The following JPH4 variants were observed in gnomAD, a reference collection of about 807,000 sequenced individuals.
The protein encoded by JPH4 is junctophilin 4.
Under a neutral mutation model 57.6 loss-of-function variants are expected in JPH4, and 18 were observed. The ratio of observed to expected loss-of-function variants is 0.31; its 90% confidence interval spans 0.22 to 0.46. JPH4 has a LOEUF of 0.46. Ranked by LOEUF, JPH4 falls within the 20% of genes least tolerant of loss-of-function variation. The probability of loss-of-function intolerance (pLI) is 1.00; values close to 1 mark genes in which losing one functional copy is unlikely to be tolerated. For synonymous variants in JPH4, 425 were observed against 406.6 expected (o/e 1.05, Z -0.54); for missense variants, 727 against 911.1 (o/e 0.80, Z 2.60).
Position 23,569,765 on chromosome 14 carries a change from C to T in JPH4, c.1804-48G>A. 1 of 1,300,292 alleles carries T rather than the reference C, an allele frequency of 7.7e-7. No homozygotes were observed. The highest frequency in any genetic ancestry group is 1.1e-6 in the Non-Finnish European group (1 of 928,422). 80.5% of individuals were successfully genotyped at this position (1,300,292 alleles called of 1,614,324 possible). The stretch of plus-strand genomic sequence containing the variant: ...AGACTCAGTCCCCGAGGACAGGGCC[C>T]ACCTTCCTGCCCTGACTGAGGTGGC... On this transcript the variant is annotated intron_variant, in intron 5 of 5. Coordinates refer to ENST00000356300, the MANE Select transcript of JPH4 (RefSeq NM_001146028.2). This position sits in a 1 kb window ranked among gnomAD's most constrained non-coding sequence, Gnocchi z 4.8.
chr14:23,570,987 C>T lies in JPH4; in HGVS notation c.1744G>A (p.Ala582Thr), dbSNP rs951280708. ...LRGSSSRGPD[A>T]GCLTEELGEP... is the part of the protein sequence containing the mutation. Reference sequence around the variant, plus strand: ...CCGAGCTCTTCTGTCAGGCACCCAGCATCAGGACCCCTCGAGGACGAGCCC... The same window carrying T: ...CCGAGCTCTTCTGTCAGGCACCCAGTATCAGGACCCCTCGAGGACGAGCCC... Residue 582 changes from alanine to threonine, a missense_variant, in exon 5 of 6, where the codon GCT (alanine) becomes ACT (threonine). Around this residue, in one of 7 missense-constraint regions of JPH4, gnomAD observed 293 missense variants for 279.8 expected, o/e 1.05. Coordinates refer to ENST00000356300, the MANE Select transcript of JPH4 (RefSeq NM_001146028.2). 4 of 1,542,192 alleles carry T rather than the reference C, an allele frequency of 2.6e-6. No homozygotes were observed. The African/African-American group carries it at 4.1e-5, about 16-fold the overall frequency.
chr14:23,571,513 T>A lies in JPH4; in HGVS notation c.1271-53A>T. 1 of 1,562,106 alleles carries A rather than the reference T, an allele frequency of 6.4e-7. No individual in the cohort carries two copies. The highest frequency in any genetic ancestry group is 8.6e-7 in the Non-Finnish European group (1 of 1,160,074). On this transcript the variant is annotated intron_variant, in intron 4 of 5. Coordinates refer to ENST00000356300, the MANE Select transcript of JPH4 (RefSeq NM_001146028.2). This position sits in a 1 kb window ranked among gnomAD's most constrained non-coding sequence, Gnocchi z 4.6. ...GGGCCTAACTGGCCTTGGGCTGGAG[T>A]GGCTGCAGCTTTATTCCTGACTGGG...
rs1166255951 is a variant in JPH4, at chr14:23,576,577, T to C, written c.380-121A>G. ...GCGGGAGAGATGGAGGCAGTTAGTG[T>C]GGAGGTCGGGGAAGGGCACTGGGAG... On this transcript the variant is annotated intron_variant, in intron 2 of 5. Transcript: ENST00000356300. The surrounding 1 kb of genome is among the most constrained non-coding windows in gnomAD (Gnocchi z 8.0). 1.2e-6 allele frequency: 1 copy of C among 864,974 alleles called. No individual in the cohort carries two copies. Among genetic ancestry groups the C allele is most frequent in the African/African-American group, 1.8e-5 (1 of 56,618 alleles). 53.6% of individuals were successfully genotyped at this position (864,974 alleles called of 1,614,324 possible). A position where few individuals can be genotyped will look rare whatever the true frequency, so the allele number is the denominator to read the frequency against.
chr14:23,568,789 C>A lies in JPH4; in HGVS notation c.*845G>T, dbSNP rs1427487573. On this transcript the variant is annotated 3_prime_UTR_variant, in exon 6 of 6. Transcript: ENST00000356300. ...TCAAAGGCCACAAGTGAGTCCAGAC[C>A]AACCAAATAAACTATTATGGGGGAG... The A allele has an allele frequency of 1.0e-6, 1 of 985,798 alleles. No homozygotes were observed. Among genetic ancestry groups the A allele is most frequent in the Non-Finnish European group, 1.2e-6 (1 of 829,984 alleles). 61.1% of individuals were successfully genotyped at this position (985,798 alleles called of 1,614,324 possible).
In JPH4 at chr14:23,575,558, G is replaced by T. The variant is rs1889249411; in HGVS notation, c.1151+127C>A. On this transcript the variant is annotated intron_variant, in intron 3 of 5. Transcript: ENST00000356300. This position sits in a 1 kb window ranked among gnomAD's most constrained non-coding sequence, Gnocchi z 6.9. ...GAATGCCCAGGGGTCCAACTGCCTG[G>T]CCTTAGGCTTGCAATAGCAGGCCCT... 2 of 1,262,998 alleles carry T rather than the reference G, an allele frequency of 1.6e-6. No homozygotes were observed. The highest frequency in any genetic ancestry group is 2.2e-6 in the Non-Finnish European group (2 of 915,386). The allele number at this position is 1,262,998 out of a possible 1,614,324, so 78.2% of individuals were successfully genotyped here.
Position 23,571,783 on chromosome 14 carries a change from C to T in JPH4, c.1270+19G>A, listed in dbSNP as rs536248682. On this transcript the variant is annotated intron_variant, in intron 4 of 5. Coordinates refer to ENST00000356300, the MANE Select transcript of JPH4 (RefSeq NM_001146028.2). This position sits in a 1 kb window ranked among gnomAD's most constrained non-coding sequence, Gnocchi z 4.6. ...CCCTAGGGGCCTCACTGCCCTCCCCCCAGCTGTCCATGCCTCACCTGGGGC... is the reference window on the plus strand; with the variant it reads ...CCCTAGGGGCCTCACTGCCCTCCCCTCAGCTGTCCATGCCTCACCTGGGGC... The T allele has an allele frequency of 6.2e-6, 10 of 1,606,148 alleles. No homozygotes were observed. Among genetic ancestry groups the T allele is most frequent in the Non-Finnish European group, 4.3e-6 (5 of 1,175,652 alleles).
chr14:23,571,915 G>A lies in JPH4; in HGVS notation c.1157C>T (p.Ala386Val), dbSNP rs1265076800. 1 of 1,611,582 alleles carries A rather than the reference G, an allele frequency of 6.2e-7. No homozygotes were observed. The highest frequency in any genetic ancestry group is 2.2e-5 in the East Asian group (1 of 44,882). Residue 386 changes from alanine to valine, a missense_variant, in exon 4 of 6, where the codon GCA (alanine) becomes GTA (valine). By Grantham distance (64) the Ala-to-Val change is moderately conservative (BLOSUM62 0). Transcript: ENST00000356300. The surrounding 1 kb of genome is among the most constrained non-coding windows in gnomAD (Gnocchi z 4.6). ...TGCCACTGCCTTTAGGAGGGCGTCT[G>A]CTGCCCTGTCGGGTCCAGAGACAGG... ...QRQEIAAARA[A>V]DALLKAVAAS...
At position 23,571,419 on chromosome 14, in the gene JPH4, G is replaced by A. The variant is rs189783859; in HGVS notation, c.1312C>T (p.Pro438Ser). 3.1e-6 allele frequency: 5 copies of A among 1,599,546 alleles called. No individual in the cohort carries two copies. In the East Asian group the frequency reaches 6.7e-5, roughly 21 times the overall value. ...ACCCCAGGGCTGTCCTCATCCAGGGGCTCCGTGTCGGAACCTTCTGAGTCC... is the reference window on the plus strand; with the variant it reads ...ACCCCAGGGCTGTCCTCATCCAGGGACTCCGTGTCGGAACCTTCTGAGTCC... Reference protein sequence around the residue: ...RQDSEGSDTEPLDEDSPGVYE... With the variant: ...RQDSEGSDTESLDEDSPGVYE... The change falls in exon 5 of 6, where the codon CCC (proline) becomes TCC (serine). Residue 438 changes from proline (P) to serine (S), a missense_variant. Physicochemically the swap from Pro to Ser is moderately conservative, Grantham distance 74 (BLOSUM62 -1). This residue lies in a region of JPH4 where 293 missense variants were observed against 279.8 expected (regional missense o/e 1.05). Coordinates refer to ENST00000356300, the MANE Select transcript of JPH4 (RefSeq NM_001146028.2). The surrounding 1 kb of genome is among the most constrained non-coding windows in gnomAD (Gnocchi z 4.6).
Position 23,570,954 on chromosome 14 carries a change from C to T in JPH4, c.1777G>A (p.Ala593Thr), listed in dbSNP as rs1331354546. 1 of 1,517,270 alleles carries T rather than the reference C, an allele frequency of 6.6e-7. No individual in the cohort carries two copies. The highest frequency in any genetic ancestry group is 8.8e-7 in the Non-Finnish European group (1 of 1,133,710). 94.0% of individuals were successfully genotyped at this position (1,517,270 alleles called of 1,614,324 possible). Residue 593 changes from alanine (A) to threonine (T), a missense_variant, in exon 5 of 6, where the codon GCT (alanine) becomes ACT (threonine). By Grantham distance (58) the Ala-to-Thr change is moderately conservative. This residue lies in a region of JPH4 where 293 missense variants were observed against 279.8 expected (regional missense o/e 1.05). Transcript: ENST00000356300. ...GGCTGGGCAGGCCTCTCGGTTGCAG[C>T]GGGCTCCCCGAGCTCTTCTGTCAGG... ...GCLTEELGEP[A>T]ATERPAQPGA...
At chr14:23,574,061 A>G (rs1889214878) in intron 3 of JPH4, among the ~76,000 whole-genome samples, 2 of 152,174 alleles carry the variant, frequency 1.3e-5, no homozygotes, top group Admixed American at 6.5e-5. Context: ...TCAAATTTAA[A>G]TGAAATCCTC....
chr14:23,577,611 C>T lies in JPH4; in HGVS notation c.-158G>A, dbSNP rs1369319257. On this transcript the variant is annotated 5_prime_UTR_variant, in exon 2 of 6. Transcript: ENST00000356300. The surrounding 1 kb of genome is among the most constrained non-coding windows in gnomAD (Gnocchi z 8.4). ...CAGCGAGGGCAGGCAGGGCCGGACC[C>T]TCATCCTGAGTGGCTGCGGAGAAAG... 5 of 503,412 alleles carry T rather than the reference C, an allele frequency of 9.9e-6. No individual in the cohort carries two copies. The East Asian group carries it at 1.8e-4, about 18-fold the overall frequency. 31.2% of individuals were successfully genotyped at this position (503,412 alleles called of 1,614,324 possible).
rs371235987 is a variant in JPH4, at chr14:23,569,676, C to T, written c.1845G>A (p.Leu615=). Residue 615 remains leucine (L), a synonymous_variant, in exon 6 of 6, where the codon CTG becomes CTA. Transcript: ENST00000356300. The surrounding 1 kb of genome is among the most constrained non-coding windows in gnomAD (Gnocchi z 4.8). The stretch of plus-strand genomic sequence containing the variant: ...AGAACAGGAATGCCAGGCTGAGGTC[C>T]AGGAGGGCCACGGCTCCCACCACCA... ...NPLVVGAVAL[L]DLSLAFLFSQ... 33 of 1,552,424 alleles carry T rather than the reference C, an allele frequency of 2.1e-5. No individual in the cohort carries two copies. Among genetic ancestry groups the T allele is most frequent in the Non-Finnish European group, 2.9e-5 (33 of 1,147,766 alleles).
At chr14:23,570,043 A>T (rs1308217750) in intron 5 of JPH4, among the ~76,000 whole-genome samples, 1 of 152,088 alleles carries the variant, frequency 6.6e-6, no homozygotes, top group Non-Finnish European at 1.5e-5. Context: ...AGTAAGGCAG[A>T]GGGATGAAGG....
In JPH4 at chr14:23,576,444, C is replaced by A. The variant is rs1289923195; in HGVS notation, c.392G>T (p.Gly131Val). 1.4e-6 allele frequency: 2 copies of A among 1,438,162 alleles called. No individual in the cohort carries two copies. Among genetic ancestry groups the A allele is most frequent in the Admixed American group, 2.7e-5 (1 of 37,102 alleles). 89.1% of individuals were successfully genotyped at this position (1,438,162 alleles called of 1,614,324 possible). The change falls in exon 3 of 6, where the codon GGC becomes GTC. Residue 131 changes from glycine to valine, a missense_variant. Gly to Val is a moderately radical substitution (Grantham distance 109). Coordinates refer to ENST00000356300, the MANE Select transcript of JPH4 (RefSeq NM_001146028.2). This position sits in a 1 kb window ranked among gnomAD's most constrained non-coding sequence, Gnocchi z 8.0. Reference protein sequence around the residue: ...ETYSDGGTYQGQWQAGKRHGY... With the variant: ...ETYSDGGTYQVQWQAGKRHGY... ...GTGGCGCTTCCCGGCCTGCCACTGG[C>A]CCTGGTAGGTGCCTGCGGGCGGCGG...
Position 23,575,522 on chromosome 14 carries a change from A to C in JPH4, c.1151+163T>G. 1.2e-6 allele frequency: 1 copy of C among 831,888 alleles called. No homozygotes were observed. Among genetic ancestry groups the C allele is most frequent in the Non-Finnish European group, 1.8e-6 (1 of 541,498 alleles). The allele number at this position is 831,888 out of a possible 1,614,324, so 51.5% of individuals were successfully genotyped here. On this transcript the variant is annotated intron_variant, in intron 3 of 5. Transcript: ENST00000356300. The surrounding 1 kb of genome is among the most constrained non-coding windows in gnomAD (Gnocchi z 6.9). The stretch of plus-strand genomic sequence containing the variant: ...CCCACATCCACCTGTAGCCTCGGAT[A>C]TAAACACCAAGAATGCCCAGGGGTC...
chr14:23,570,474 C>T (rs2139461685), intron 5 of JPH4, among the ~76,000 whole-genome samples: 1 of 151,676 alleles, frequency 6.6e-6, no homozygotes, highest in South Asian at 2.1e-4. Flanking sequence ...CGGGTTCACG[C>T]CATTCTCCTG....
At chr14:23,570,503 C>G (rs1238493506) in intron 5 of JPH4, among the ~76,000 whole-genome samples, 3 of 151,876 alleles carry the variant, frequency 2.0e-5, no homozygotes, top group Non-Finnish European at 4.4e-5. Flanking sequence ...TCCCAAGTAG[C>G]TGGGACTACA....
chr14:23,572,047 C>T (rs1323520109), intron 3 of JPH4, 127 bp from the exon 4 acceptor site: 5 of 796,484 alleles, frequency 6.3e-6, no homozygotes, highest in Non-Finnish European at 1.0e-5. Flanking sequence ...GGAGTCGTCA[C>T]CCTTCGCCAC....
At chr14:23,572,985 A>G in intron 3 of JPH4, 1 of 702,016 alleles carries the variant, frequency 1.4e-6, no homozygotes, top group Non-Finnish European at 2.6e-6. Flanking sequence ...TCATCCTTAA[A>G]TGAGTTCTGT....
Sources: allele counts gnomAD v4.1 joint callset (sites outside exome capture counted in the v4.1 genomes callset), GRCh38; gene constraint gnomAD v4.1.1; regional missense constraint gnomAD v4.1.1; non-coding constraint Gnocchi (gnomAD v3.1); transcripts MANE v1.5; gene names NCBI Gene and HGNC (gene_info 2026-07-23, HGNC 2026-07-21).